Variants in KCNH8 observed in about 807,000 individuals in gnomAD.
KCNH8 encodes the protein voltage-gated delayed rectifier potassium channel KCNH8.
KCNH8 carries 70 observed loss-of-function variants against 103.6 expected under a neutral mutation model. The observed-to-expected ratio is 0.68, with a 90% CI of 0.56 to 0.82. KCNH8 has a LOEUF of 0.82. Ranked by LOEUF, KCNH8 falls within the 40% of genes least tolerant of loss-of-function variation. The pLI is 0.00. For missense variants in KCNH8, 1,217 were observed against 1,329.9 expected (o/e 0.92, Z 1.32); for synonymous variants, 498 against 489.4 (o/e 1.02, Z -0.23).
chr3:19,523,712 A>G (rs1399750019), intron 15 of KCNH8, among the ~76,000 whole-genome samples: 1 of 151,978 alleles, frequency 6.6e-6, no homozygotes, highest in East Asian at 1.9e-4. Context: ...AAGAAAGTGT[A>G]AGCTTTTGTA....
At chr3:19,522,218 T>G (rs1229326336) in intron 15 of KCNH8, among the ~76,000 whole-genome samples, 1 of 151,854 alleles carries the variant, frequency 6.6e-6, no homozygotes. Flanking sequence ...TATTAATTGA[T>G]TATTGAGGCT....
chr3:19,214,358 G>A (rs898091771), intron 1 of KCNH8, among the ~76,000 whole-genome samples: 48 of 152,188 alleles, frequency 3.2e-4, no homozygotes, highest in Non-Finnish European at 4.0e-4. Flanking sequence ...GCTGCTAGGA[G>A]CATTGGCCAC....
intron 1 of KCNH8, among the ~76,000 whole-genome samples, chr3:19,210,746 A>G (rs1271994736): frequency 6.6e-6 from 1 of 152,114 alleles, no homozygotes; most frequent in Non-Finnish European, 1.5e-5. Context: ...AATAGGAGTC[A>G]TTCATATTTC....
At chr3:19,195,414 T>C (rs773999209) in intron 1 of KCNH8, among the ~76,000 whole-genome samples, 8 of 151,894 alleles carry the variant, frequency 5.3e-5, no homozygotes, top group Non-Finnish European at 1.0e-4. Flanking sequence ...TACCCCTTTT[T>C]TCCCTCACAG....
intron 11 of KCNH8, among the ~76,000 whole-genome samples, chr3:19,477,002 G>A (rs900137417): frequency 6.6e-6 from 1 of 152,112 alleles, no homozygotes; most frequent in African/African-American, 2.4e-5. Context: ...TAAAGCATAT[G>A]AAGGGACTGA....
Position 19,342,622 on chromosome 3 carries a change from T to C in KCNH8, c.478T>C (p.Phe160Leu), listed in dbSNP as rs769067526. Residue 160 changes from phenylalanine to leucine, a missense_variant, in exon 4 of 16, where the codon TTT becomes CTT. Physicochemically the swap from Phe to Leu is conservative, Grantham distance 22 (BLOSUM62 0). Transcript: ENST00000328405. ...AGGAAGATCAAGAGCAGGGACCCAC[T>C]TTGACTCAGCCCGGAGACGGAGTCG... is the stretch of plus-strand genomic sequence containing the variant. The part of the protein sequence containing the change: ...VKGRSRAGTH[F>L]DSARRRSRAV... 1.9e-6 allele frequency: 3 copies of C among 1,610,854 alleles called. No individual in the cohort carries two copies. The highest frequency in any genetic ancestry group is 2.2e-5 in the East Asian group (1 of 44,734).
chr3:19,447,428 C>G (rs1031918925), intron 8 of KCNH8, among the ~76,000 whole-genome samples: 1 of 152,008 alleles, frequency 6.6e-6, no homozygotes, highest in Non-Finnish European at 1.5e-5. Flanking sequence ...GCTAAATAAT[C>G]TGAACATATT....
At chr3:19,162,069 T>C (rs1002676065) in intron 1 of KCNH8, among the ~76,000 whole-genome samples, 1 of 152,228 alleles carries the variant, frequency 6.6e-6, no homozygotes, top group Non-Finnish European at 1.5e-5. Context: ...ATGAGCCTTT[T>C]ATGTTTTCTT....
intron 5 of KCNH8, among the ~76,000 whole-genome samples, chr3:19,375,398 C>T (rs1188924767): frequency 1.8e-4 from 27 of 151,282 alleles, no homozygotes; most frequent in South Asian, 1.1e-3. Flanking sequence ...TTGATTGCAT[C>T]GGCTCCTGAG....
chr3:19,226,067 TCC>T (rs2063927553), intron 1 of KCNH8, among the ~76,000 whole-genome samples: 1 of 152,228 alleles, frequency 6.6e-6, no homozygotes, highest in African/African-American at 2.4e-5. Context: ...ATATGGGGCT[TCC>T]CCCAGTCTTA....
chr3:19,321,267 C>T (rs772716354), intron 3 of KCNH8, among the ~76,000 whole-genome samples: 2 of 151,696 alleles, frequency 1.3e-5, no homozygotes, highest in East Asian at 1.9e-4. Flanking sequence ...CTCCGAGGTG[C>T]GACCTTAGAT....
At chr3:19,266,239 C>G (rs997758434) in intron 2 of KCNH8, among the ~76,000 whole-genome samples, 12 of 152,138 alleles carry the variant, frequency 7.9e-5, no homozygotes, top group African/African-American at 2.7e-4. Flanking sequence ...TTCCCTGTTT[C>G]TGTCCTCCCT....
chr3:19,307,287 C>CA (rs1035763528), intron 3 of KCNH8, among the ~76,000 whole-genome samples: 5 of 151,416 alleles, frequency 3.3e-5, no homozygotes, highest in African/African-American at 9.7e-5. Context: ...AACCAATGGC[C>CA]AAAAATATAT....
intron 11 of KCNH8, among the ~76,000 whole-genome samples, chr3:19,503,599 T>TA: frequency 6.6e-6 from 1 of 152,086 alleles, no homozygotes; most frequent in Non-Finnish European, 1.5e-5. Context: ...TATGCAGCCA[T>TA]AAAAAATGAT....
intron 3 of KCNH8, among the ~76,000 whole-genome samples, chr3:19,316,328 T>A (rs1024061409): frequency 1.3e-5 from 2 of 151,854 alleles, no homozygotes; most frequent in African/African-American, 2.4e-5. Flanking sequence ...CAAAACTATC[T>A]CCAGACATTG....
At chr3:19,499,877 T>A (rs1057258242) in intron 11 of KCNH8, among the ~76,000 whole-genome samples, 1 of 151,990 alleles carries the variant, frequency 6.6e-6, no homozygotes, top group Non-Finnish European at 1.5e-5. Context: ...AGAAACTGCA[T>A]CAACTAACGA....
intron 7 of KCNH8, among the ~76,000 whole-genome samples, chr3:19,400,296 G>A (rs2066593621): frequency 7.0e-6 from 1 of 142,116 alleles, no homozygotes. Context: ...ATATGGAGAA[G>A]TGGTATTTTT....
intron 1 of KCNH8, among the ~76,000 whole-genome samples, chr3:19,162,701 AT>A (rs1373837799): frequency 1.3e-5 from 2 of 152,084 alleles, no homozygotes; most frequent in Middle Eastern, 3.2e-3. Flanking sequence ...TTCCGTACTG[AT>A]TTTGCAATCT....
intron 8 of KCNH8, 108 bp from the exon 9 acceptor site, chr3:19,449,998 A>T (rs1265028203): frequency 1.1e-6 from 1 of 877,418 alleles, no homozygotes; most frequent in Non-Finnish European, 1.8e-6. Context: ...ATGGCCATGT[A>T]ACCATGCTCT....
Sources: gnomAD v4.1 joint callset for allele counts (sites outside exome capture counted in the v4.1 genomes callset) on GRCh38, gnomAD v4.1.1 for gene constraint, MANE v1.5 for transcripts, NCBI Gene and HGNC (gene_info 2026-07-23, HGNC 2026-07-21) for gene names.